Variants in OSBPL6 observed in about 807,000 individuals in gnomAD.
OSBPL6 encodes oxysterol-binding protein-related protein 6.
OSBPL6 carries 49 observed loss-of-function variants against 125.8 expected under a neutral mutation model. The observed-to-expected ratio is 0.39, with a 90% CI of 0.31 to 0.49. The LOEUF is 0.49. OSBPL6 is among the 20% of genes least tolerant of loss of function. OSBPL6 has a pLI of 0.88. For synonymous variants in OSBPL6, 394 were observed against 391.8 expected (o/e 1.01, Z -0.07); for missense variants, 986 against 1,135.4 (o/e 0.87, Z 1.89).
chr2:178,313,292 G>C (rs1024643509), intron 3 of OSBPL6, among the ~76,000 whole-genome samples: 5 of 152,220 alleles, frequency 3.3e-5, no homozygotes, highest in African/African-American at 1.2e-4. Context: ...ATTTTCAAAA[G>C]CAAGTCCTGT....
intron 2 of OSBPL6, among the ~76,000 whole-genome samples, chr2:178,290,827 A>T (rs1314898177): frequency 1.3e-5 from 2 of 152,130 alleles, no homozygotes; most frequent in African/African-American, 2.4e-5. Context: ...TCAGGAAACA[A>T]GGTGGGAAAT....
chr2:178,299,299 A>T (rs531585643), intron 2 of OSBPL6, among the ~76,000 whole-genome samples: 3 of 152,094 alleles, frequency 2.0e-5, no homozygotes, highest in Non-Finnish European at 4.4e-5. Context: ...TAATATTCTT[A>T]CTGATATTTT....
At chr2:178,275,044 A>G (rs545120159) in intron 1 of OSBPL6, among the ~76,000 whole-genome samples, 16 of 152,282 alleles carry the variant, frequency 1.1e-4, no homozygotes, top group African/African-American at 3.8e-4. Context: ...GATCAAATCT[A>G]TGTTTTAAGA....
intron 20 of OSBPL6, among the ~76,000 whole-genome samples, chr2:178,388,244 C>T (rs1312936575): frequency 6.6e-6 from 1 of 152,160 alleles, no homozygotes; most frequent in Non-Finnish European, 1.5e-5. Context: ...TTTGTGCCAT[C>T]TTAGTATGCT....
intron 11 of OSBPL6, among the ~76,000 whole-genome samples, chr2:178,341,494 G>A (rs534425533): frequency 9.9e-5 from 15 of 152,118 alleles, no homozygotes; most frequent in African/African-American, 2.2e-4. Context: ...TCATACTTCC[G>A]CCACATCTTT....
chr2:178,229,407 A>T (rs754921771), intron 1 of OSBPL6, among the ~76,000 whole-genome samples: 1 of 152,202 alleles, frequency 6.6e-6, no homozygotes, highest in Non-Finnish European at 1.5e-5. Context: ...GTGATTAGTA[A>T]CCACATTTGG....
At chr2:178,332,823 C>G in intron 7 of OSBPL6, 48 bp from the exon 8 acceptor site, 1 of 1,608,098 alleles carries the variant, frequency 6.2e-7, no homozygotes, top group Non-Finnish European at 8.5e-7. Context: ...CAGTGGTAGG[C>G]AGGAGAGTTA....
chr2:178,217,846 T>G (rs1371055114), intron 1 of OSBPL6, among the ~76,000 whole-genome samples: 1 of 152,214 alleles, frequency 6.6e-6, no homozygotes, highest in Non-Finnish European at 1.5e-5. Context: ...CTGGCATCTA[T>G]GTCTGCAGCT....
intron 2 of OSBPL6, among the ~76,000 whole-genome samples, 182 bp from the exon 3 acceptor site, chr2:178,305,848 T>C (rs1302811959): frequency 7.2e-3 from 3 of 416 alleles, no homozygotes; most frequent in Admixed American, 0.062. Flanking sequence ...TAACAGTCCT[T>C]TTTTTTTTTT....
intron 3 of OSBPL6, among the ~76,000 whole-genome samples, chr2:178,312,719 G>C (rs1423367220): frequency 6.6e-6 from 1 of 152,044 alleles, no homozygotes; most frequent in Non-Finnish European, 1.5e-5. Context: ...GCCTCCCAAA[G>C]TGCTGGGATT....
intron 1 of OSBPL6, among the ~76,000 whole-genome samples, chr2:178,217,902 C>T (rs1418141489): frequency 6.6e-6 from 1 of 152,164 alleles, no homozygotes; most frequent in East Asian, 1.9e-4. Context: ...TAATTTGGGG[C>T]TGGTTTTCAT....
chr2:178,238,143 C>A (rs894090174), intron 1 of OSBPL6, among the ~76,000 whole-genome samples: 1 of 152,148 alleles, frequency 6.6e-6, no homozygotes, highest in African/African-American at 2.4e-5. Context: ...GTGGTCCCTC[C>A]TTATCTGCAG....
Position 178,392,508 on chromosome 2 carries a change from C to A in OSBPL6, c.2543C>A (p.Pro848Gln). ...CCAGTACTAAAAGATCTCCTTCCAC[C>A]AACAGACGCCCGGTTCCGGCCAGAT... ...LDPVLKDLLP[P>Q]TDARFRPDQR... The change falls in exon 23 of 25, where the codon CCA (proline) becomes CAA (glutamine). Residue 848 changes from proline (P) to glutamine (Q), a missense_variant. Physicochemically the swap from Pro to Gln is moderately conservative, Grantham distance 76. Around this residue, in one of 3 missense-constraint regions of OSBPL6, gnomAD observed 843 missense variants for 997.3 expected, o/e 0.85. Coordinates refer to ENST00000190611, the MANE Select transcript of OSBPL6 (RefSeq NM_032523.4). The A allele has an allele frequency of 6.2e-7, 1 of 1,614,046 alleles. No individual in the cohort carries two copies. The highest frequency in any genetic ancestry group is 8.5e-7 in the Non-Finnish European group (1 of 1,179,998).
chr2:178,221,419 G>T (rs999082863), intron 1 of OSBPL6, among the ~76,000 whole-genome samples: 1 of 152,118 alleles, frequency 6.6e-6, no homozygotes, highest in Non-Finnish European at 1.5e-5. Context: ...TTTAATACGT[G>T]ACTGGGTCAT....
chr2:178,221,186 C>A (rs960121929), intron 1 of OSBPL6, among the ~76,000 whole-genome samples: 1 of 152,076 alleles, frequency 6.6e-6, no homozygotes, highest in Admixed American at 6.6e-5. Flanking sequence ...CTGTGGAAAT[C>A]TTGATTGTGT....
chr2:178,357,607 G>A (rs955189943), intron 12 of OSBPL6, among the ~76,000 whole-genome samples: 5 of 152,294 alleles, frequency 3.3e-5, no homozygotes, highest in Admixed American at 2.0e-4. Context: ...AGGATGTGGA[G>A]AAATAGGAAC....
chr2:178,361,801 C>A lies in OSBPL6; in HGVS notation c.1273C>A (p.Gln425Lys), dbSNP rs1407194766. ...GHSTQMARLRQSLSQALNQNA... is the reference protein window; with the variant it reads ...GHSTQMARLRKSLSQALNQNA... ...CAGCACGCAGATGGCACGGCTCCGA[C>A]AGTCACTGTCTCAGGTAGGCAAAGA... The change falls in exon 13 of 25, where the codon CAG becomes AAG. Residue 425 changes from glutamine (Q) to lysine (K), a missense_variant. Gln to Lys is a moderately conservative substitution (Grantham distance 53, BLOSUM62 1). This residue lies in a region of OSBPL6 where 843 missense variants were observed against 997.3 expected (regional missense o/e 0.85). Transcript: ENST00000190611. The A allele has an allele frequency of 6.2e-7, 1 of 1,614,072 alleles. No homozygotes were observed. The highest frequency in any genetic ancestry group is 8.5e-7 in the Non-Finnish European group (1 of 1,179,970).
At chr2:178,380,943 T>G (rs1455819109) in intron 15 of OSBPL6, among the ~76,000 whole-genome samples, 1 of 152,236 alleles carries the variant, frequency 6.6e-6, no homozygotes, top group Non-Finnish European at 1.5e-5. Context: ...TACAGTCATT[T>G]TGAAATTGGA....
At chr2:178,395,342 T>G (rs1291835103) in intron 24 of OSBPL6, 109 bp from the exon 25 acceptor site, 2 of 671,522 alleles carry the variant, frequency 3.0e-6, no homozygotes, top group African/African-American at 3.7e-5. Flanking sequence ...AGATACTAAC[T>G]GGCTTACAAA....
Sources: gnomAD v4.1 joint callset for allele counts (sites outside exome capture counted in the v4.1 genomes callset) on GRCh38, gnomAD v4.1.1 for gene constraint, gnomAD v4.1.1 regional missense constraint, MANE v1.5 for transcripts, NCBI Gene and HGNC (gene_info 2026-07-23, HGNC 2026-07-21) for gene names.